The following SLC8A1 variants were observed in gnomAD, a reference collection of about 807,000 sequenced individuals.
SLC8A1 encodes the protein solute carrier family 8 member A1, also known as sodium/calcium exchanger 1.
A neutral mutation model predicts 68.3 loss-of-function variants in SLC8A1; 18 were observed. The ratio of observed to expected loss-of-function variants is 0.26; its 90% CI spans 0.18 to 0.39. The LOEUF (loss-of-function observed/expected upper bound fraction) is 0.39. Among genes scored for constraint, SLC8A1 ranks in the 10% least tolerant of loss-of-function variants. The pLI is 1.00. For missense variants in SLC8A1, 985 were observed against 1,156.7 expected, an observed-to-expected ratio of 0.85 and a Z score of 2.15; for synonymous variants, 475 against 415.5, an observed-to-expected ratio of 1.14 and a Z score of -1.74.
rs563261169 is a variant in SLC8A1, at chr2:40,236,709, A to G, written c.1809-58854T>C. 4.6e-5 allele frequency among the ~76,000 whole-genome samples: 7 copies of G among 152,184 alleles called. No homozygotes were observed. In the East Asian group the frequency reaches 1.4e-3, roughly 29 times the overall value. ...TCTTCCTAGTCTCAATGGTCTTTAC[A>G]ATTTGGCATGATTTTGCAGCCGCTG... On this transcript the variant is annotated intron_variant, in intron 2 of 7. Coordinates refer to ENST00000406785, the Ensembl canonical transcript of SLC8A1.
exon 8 of SLC8A1, chr2:40,110,204 T>A (rs993143160): frequency 6.6e-6 from 1 of 152,058 alleles, no homozygotes; most frequent in Non-Finnish European, 1.5e-5. Context: ...GATAAGACAG[T>A]CTCTGCTTTG....
At chr2:40,318,470 T>C (rs1247070171) in intron 2 of SLC8A1, among the ~76,000 whole-genome samples, 1 of 149,810 alleles carries the variant, frequency 6.7e-6, no homozygotes, top group Non-Finnish European at 1.5e-5. Flanking sequence ...GATTTTGGTA[T>C]TATTTTTATA....
chr2:40,178,546 A>C lies in SLC8A1; in HGVS notation c.1809-691T>G, dbSNP rs1048926443. On this transcript the variant is annotated intron_variant, in intron 2 of 7. Transcript: ENST00000406785. The stretch of plus-strand genomic sequence containing the variant: ...CAAGGGGAAGAGGAAAGAGAAGAGA[A>C]GGAACATAGAGAAGAGGAAAGCAAG... The C allele has an allele frequency of 2.7e-6, 4 of 1,458,340 alleles. No homozygotes were observed. The African/African-American group carries it at 5.6e-5, about 20-fold the overall frequency. The allele number at this position is 1,458,340 out of a possible 1,614,324, so 90.3% of individuals were successfully genotyped here.
At chr2:40,493,821 T>C (rs780562747) in intron 1 of SLC8A1, among the ~76,000 whole-genome samples, 1 of 151,980 alleles carries the variant, frequency 6.6e-6, no homozygotes, top group Non-Finnish European at 1.5e-5. Flanking sequence ...TCTATGTCTA[T>C]TGACAACCAG....
In SLC8A1 at chr2:40,374,313, A is replaced by T. The variant is rs537983921; in HGVS notation, c.1808+54160T>A. Among the ~76,000 whole-genome samples the T allele has an allele frequency of 2.6e-5, 4 of 152,160 alleles. No homozygotes were observed. The East Asian group carries it at 7.8e-4, about 30-fold the overall frequency. On this transcript the variant is annotated intron_variant, in intron 2 of 7. Coordinates refer to ENST00000406785, the Ensembl canonical transcript of SLC8A1. ...GGTTCCTTGAGCCCAGGAGTTCCAG[A>T]CCAGCCCGGGAAATATGGGGAGACC...
chr2:40,498,119 C>A (rs1478148336), intron 1 of SLC8A1, among the ~76,000 whole-genome samples: 1 of 151,940 alleles, frequency 6.6e-6, no homozygotes, highest in East Asian at 1.9e-4. Context: ...TTAGATAAAT[C>A]AGAAAGGTCA....
At chr2:40,356,318 ATGAC>A (rs750953036) in intron 2 of SLC8A1, among the ~76,000 whole-genome samples, 5 of 152,182 alleles carry the variant, frequency 3.3e-5, no homozygotes, top group Non-Finnish European at 5.9e-5. Context: ...ACTCAGATTT[ATGAC>A]TGACTGACTG....
At chr2:40,198,695 T>G (rs1298028400) in intron 2 of SLC8A1, among the ~76,000 whole-genome samples, 1 of 151,854 alleles carries the variant, frequency 6.6e-6, no homozygotes, top group East Asian at 1.9e-4. Flanking sequence ...TTGGAATGCA[T>G]GGTTTGAGCA....
chr2:40,236,785 G>C (rs2060443027), intron 2 of SLC8A1, among the ~76,000 whole-genome samples: 1 of 151,538 alleles, frequency 6.6e-6, no homozygotes, highest in East Asian at 1.9e-4. Flanking sequence ...AGCTCTTTTA[G>C]GGCAGGCCTG....
At chr2:40,383,377 A>G (rs922049847) in intron 2 of SLC8A1, among the ~76,000 whole-genome samples, 1 of 152,144 alleles carries the variant, frequency 6.6e-6, no homozygotes, top group Non-Finnish European at 1.5e-5. Context: ...ATCCTTCGCC[A>G]TGTTTATAAG....
At chr2:40,467,421 A>C (rs1229622825) in intron 1 of SLC8A1, among the ~76,000 whole-genome samples, 1 of 152,134 alleles carries the variant, frequency 6.6e-6, no homozygotes, top group African/African-American at 2.4e-5. Flanking sequence ...AAGTGCTATT[A>C]ACTGCTATTC....
chr2:40,380,351 T>C (rs1053297250), intron 2 of SLC8A1, among the ~76,000 whole-genome samples: 1 of 152,164 alleles, frequency 6.6e-6, no homozygotes, highest in Admixed American at 6.5e-5. Flanking sequence ...ATCCTAAGAA[T>C]TGCTATGAAA....
chr2:40,278,546 G>A (rs35287703), intron 2 of SLC8A1, among the ~76,000 whole-genome samples: 2,797 of 152,254 alleles, frequency 0.018, 23 homozygotes, highest in Middle Eastern at 0.058. Context: ...GGAGAGTAGA[G>A]TAACTTTGCA....
intron 1 of SLC8A1, among the ~76,000 whole-genome samples, chr2:40,436,933 C>G (rs1180077098): frequency 1.3e-5 from 2 of 152,102 alleles, no homozygotes; most frequent in Non-Finnish European, 2.9e-5. Context: ...TTTAAGGGCC[C>G]TACTCAGGGC....
At chr2:40,215,062 A>G (rs2057235992) in intron 2 of SLC8A1, among the ~76,000 whole-genome samples, 2 of 152,152 alleles carry the variant, frequency 1.3e-5, no homozygotes, top group African/African-American at 2.4e-5. Flanking sequence ...TTTTTGTGCT[A>G]TGTATTTATT....
intron 7 of SLC8A1, among the ~76,000 whole-genome samples, chr2:40,116,303 CT>C (rs11338351): frequency 0.018 from 2,682 of 152,140 alleles, 56 homozygotes; most frequent in South Asian, 0.021. Context: ...TGTGATGGTA[CT>C]TTTTTATTAT....
chr2:40,372,256 A>T (rs1678338314), intron 2 of SLC8A1, among the ~76,000 whole-genome samples: 1 of 152,102 alleles, frequency 6.6e-6, no homozygotes, highest in South Asian at 2.1e-4. Context: ...GGGAAGAAAA[A>T]GAAAAGAAGA....
intron 2 of SLC8A1, among the ~76,000 whole-genome samples, chr2:40,381,352 A>G (rs75104554): frequency 0.07 from 10,607 of 151,958 alleles, 1,209 homozygotes; most frequent in African/African-American, 0.24. Context: ...CTCCTTATAT[A>G]CTTCTCTTAA....
chr2:40,386,362 C>T (rs978507855), intron 2 of SLC8A1, among the ~76,000 whole-genome samples: 4 of 150,938 alleles, frequency 2.7e-5, no homozygotes, highest in African/African-American at 4.9e-5. Flanking sequence ...GTCAATGTAG[C>T]GGAATTCCTT....
Sources: gnomAD v4.1 joint callset for allele counts (sites outside exome capture counted in the v4.1 genomes callset) on GRCh38, gnomAD v4.1.1 for gene constraint, MANE v1.5 for transcripts, NCBI Gene and HGNC (gene_info 2026-07-23, HGNC 2026-07-21) for gene names.